The following PPP6R3 variants were observed in gnomAD, a reference collection of about 807,000 sequenced individuals.
The protein encoded by PPP6R3 is serine/threonine-protein phosphatase 6 regulatory subunit 3.
Under a neutral mutation model 110.7 loss-of-function variants are expected in PPP6R3, and 38 were observed. The observed-to-expected ratio is 0.34, with a 90% CI of 0.26 to 0.45. The LOEUF is 0.45. PPP6R3 is among the 20% of genes least tolerant of loss of function. The probability of loss-of-function intolerance (pLI) is 1.00; values close to 1 mark genes in which losing one functional copy is unlikely to be tolerated. For missense variants in PPP6R3, 870 were observed against 1,062.4 expected (o/e 0.82, Z 2.52); for synonymous variants, 369 against 373.5 (o/e 0.99, Z 0.14).
intron 8 of PPP6R3, among the ~76,000 whole-genome samples, chr11:68,559,669 C>T (rs1565843126): frequency 6.6e-6 from 1 of 152,202 alleles, no homozygotes; most frequent in Non-Finnish European, 1.5e-5. Flanking sequence ...TGTGATGGCA[C>T]TGCTTCAAGT....
chr11:68,525,765 G>C (rs1480555009), intron 2 of PPP6R3, among the ~76,000 whole-genome samples: 1 of 152,110 alleles, frequency 6.6e-6, no homozygotes, highest in Non-Finnish European at 1.5e-5. Context: ...AAGCATCTCA[G>C]TGTGCTCCTG....
chr11:68,477,307 T>C (rs2098839406), intron 1 of PPP6R3, among the ~76,000 whole-genome samples: 1 of 152,082 alleles, frequency 6.6e-6, no homozygotes, highest in South Asian at 2.1e-4. Context: ...TGACTTAGGA[T>C]TTTTCCACTT....
At chr11:68,581,581 C>T (rs910922179) in intron 14 of PPP6R3, among the ~76,000 whole-genome samples, 13 of 152,212 alleles carry the variant, frequency 8.5e-5, no homozygotes, top group South Asian at 4.1e-4. Context: ...CCAAGTGGCC[C>T]GAAGCTCCTC....
intron 2 of PPP6R3, among the ~76,000 whole-genome samples, chr11:68,521,605 A>G (rs1319038232): frequency 4.6e-5 from 7 of 152,228 alleles, no homozygotes; most frequent in Non-Finnish European, 4.4e-5. Context: ...GGAGAGGAAC[A>G]GCACTGTAGG....
intron 3 of PPP6R3, among the ~76,000 whole-genome samples, chr11:68,540,399 G>T (rs1020724037): frequency 1.6e-4 from 24 of 152,102 alleles, no homozygotes; most frequent in African/African-American, 5.6e-4. Flanking sequence ...GGGAGGGAGT[G>T]TGCAAATAGG....
chr11:68,582,463 G>A (rs915887298), intron 14 of PPP6R3, among the ~76,000 whole-genome samples: 17 of 152,242 alleles, frequency 1.1e-4, no homozygotes, highest in African/African-American at 3.9e-4. Flanking sequence ...GGGGCAGGGT[G>A]CACATTTTCA....
At chr11:68,493,344 A>G (rs1460425322) in intron 1 of PPP6R3, among the ~76,000 whole-genome samples, 6 of 152,162 alleles carry the variant, frequency 3.9e-5, no homozygotes, top group Admixed American at 2.6e-4. Flanking sequence ...CATTATCACT[A>G]TTATTCTTTG....
intron 1 of PPP6R3, among the ~76,000 whole-genome samples, chr11:68,510,186 A>G (rs1045614208): frequency 1.3e-5 from 2 of 150,398 alleles, no homozygotes; most frequent in Non-Finnish European, 3.0e-5. Context: ...GATTACAGGC[A>G]TGAGCCCCTA....
intron 2 of PPP6R3, among the ~76,000 whole-genome samples, chr11:68,521,266 GAGCAAAC>G (rs1328346300): frequency 1.3e-5 from 2 of 152,130 alleles, no homozygotes; most frequent in African/African-American, 4.8e-5. Context: ...AGTATTTTGT[GAGCAAAC>G]AGCTGTAACT....
intron 2 of PPP6R3, among the ~76,000 whole-genome samples, chr11:68,531,694 C>T (rs2099241565): frequency 6.6e-6 from 1 of 152,190 alleles, no homozygotes; most frequent in African/African-American, 2.4e-5. Context: ...TATTCATTGC[C>T]TTAGCAGCTT....
intron 9 of PPP6R3, among the ~76,000 whole-genome samples, chr11:68,565,939 G>T (rs2099464027): frequency 6.6e-6 from 1 of 152,180 alleles, no homozygotes. Flanking sequence ...ATGGGAGCCA[G>T]AGGGAGTGAG....
chr11:68,538,007 T>TC, intron 3 of PPP6R3, 116 bp downstream of exon 3: 1 of 773,294 alleles, frequency 1.3e-6, no homozygotes, highest in South Asian at 2.1e-5. Flanking sequence ...AAGGGTAAGA[T>TC]AGTCAAGAAT....
chr11:68,508,926 C>A (rs1240922355), intron 1 of PPP6R3, among the ~76,000 whole-genome samples: 1 of 152,178 alleles, frequency 6.6e-6, no homozygotes, highest in Non-Finnish European at 1.5e-5. Context: ...ATACTATTTT[C>A]TTTTCCTGTC....
chr11:68,603,318 G>T, intron 21 of PPP6R3, 24 bp from the exon 22 acceptor site: 2 of 1,612,572 alleles, frequency 1.2e-6, no homozygotes, highest in South Asian at 2.2e-5. Flanking sequence ...TGCTGTGTGT[G>T]ACCATCAGCT....
intron 21 of PPP6R3, 93 bp downstream of exon 21, chr11:68,602,062 G>T (rs531108062): frequency 3.5e-5 from 34 of 980,590 alleles, no homozygotes; most frequent in Non-Finnish European, 4.5e-6. Flanking sequence ...AGTGGAGCCC[G>T]GGAGTGAGAT....
At chr11:68,603,086 A>C (rs1393753638) in intron 21 of PPP6R3, among the ~76,000 whole-genome samples, 2 of 152,106 alleles carry the variant, frequency 1.3e-5, no homozygotes, top group African/African-American at 4.8e-5. Context: ...ATGGAGGTGG[A>C]CGCTGAGCTG....
intron 5 of PPP6R3, among the ~76,000 whole-genome samples, chr11:68,550,672 C>T (rs940309563): frequency 2.6e-5 from 4 of 152,188 alleles, no homozygotes; most frequent in African/African-American, 9.7e-5. Context: ...CCCATTTGTT[C>T]ATCCTGTGTT....
intron 2 of PPP6R3, among the ~76,000 whole-genome samples, chr11:68,526,017 C>T (rs893439935): frequency 3.9e-5 from 6 of 152,154 alleles, no homozygotes; most frequent in Admixed American, 6.5e-5. Context: ...AGGACCACCT[C>T]GTATCTCTTC....
intron 3 of PPP6R3, among the ~76,000 whole-genome samples, chr11:68,542,411 T>TTTTTTA (rs1244450813): frequency 7.0e-6 from 1 of 141,966 alleles, no homozygotes; most frequent in Non-Finnish European, 1.5e-5. Flanking sequence ...TTTTTTTTTT[T>TTTTTTA]AAGACAGAGT....
Sources: gnomAD v4.1 joint callset for allele counts (sites outside exome capture counted in the v4.1 genomes callset) on GRCh38, gnomAD v4.1.1 for gene constraint, MANE v1.5 for transcripts, NCBI Gene and HGNC (gene_info 2026-07-23, HGNC 2026-07-21) for gene names.